Variants in IQANK1 observed in about 807,000 individuals in gnomAD.
The protein encoded by IQANK1 is IQ motif and ankyrin repeat domain-containing protein 1.
A neutral mutation model predicts 22.6 loss-of-function variants in IQANK1; 30 were observed. The observed-to-expected ratio is 1.33, with a 90% CI of 0.99 to 1.80. The LOEUF is 1.80. IQANK1 is among the 40% of genes most tolerant of loss of function. The pLI is 0.00. For missense variants in IQANK1, 275 were observed against 235.2 expected (o/e 1.17, Z -1.11); for synonymous variants, 122 against 99.6 (o/e 1.23, Z -1.34).
Position 143,784,237 on chromosome 8 carries a change from G to C in IQANK1, c.790-4678G>C, listed in dbSNP as rs538619369. Among the ~76,000 whole-genome samples, 91 of 152,164 alleles carry C rather than the reference G, an allele frequency of 6.0e-4. 1 individual carries two copies. Among genetic ancestry groups the C allele is most frequent in the African/African-American group, 1.8e-3 (74 of 41,518 alleles). ...CCTCAGTGTTGCAGGAGGGGCCTGG[G>C]GGGAGGTGATTGGATCACGGGGGCT... On this transcript the variant is annotated intron_variant, in intron 7 of 13. Coordinates refer to ENST00000527139, the MANE Select transcript of IQANK1 (RefSeq NM_001381874.1).
rs1820017289 is a variant in IQANK1 at position 143,790,505 on chromosome 8, A to G, written c.1580A>G (p.Glu527Gly). Residue 527 changes from glutamate to glycine, a missense_variant, in exon 14 of 14, where the codon GAG becomes GGG. Transcript: ENST00000527139. ...SPTQFQEQRL[E>G]HFRLFFVTKV... ...ACGCAGTTCCAGGAGCAGCGGCTGG[A>G]GCACTTCCGCCTCTTTTTCGTCACC... 2 of 406,110 alleles carry G rather than the reference A, an allele frequency of 4.9e-6. No individual in the cohort carries two copies. The highest frequency in any genetic ancestry group is 7.1e-5 in the East Asian group (2 of 28,108). The allele number at this position is 406,110 out of a possible 1,614,324, so 25.2% of individuals were successfully genotyped here. A position where few individuals can be genotyped will look rare whatever the true frequency, so the allele number is the denominator to read the frequency against.
At chr8:143,789,110 G>A (rs1308353573) in intron 8 of IQANK1, 47 bp downstream of exon 8, 13 of 401,668 alleles carry the variant, frequency 3.2e-5, no homozygotes, top group East Asian at 3.2e-4. Flanking sequence ...GGCAAGGGGC[G>A]CTGGCAGGGA....
chr8:143,786,340 G>T (rs1361828577), intron 7 of IQANK1, among the ~76,000 whole-genome samples: 6 of 152,140 alleles, frequency 3.9e-5, no homozygotes, highest in Admixed American at 2.6e-4. Context: ...TCACTCGGAG[G>T]CTACTGTCCT....
At chr8:143,779,549 T>C (rs1294499360) in intron 7 of IQANK1, among the ~76,000 whole-genome samples, 2 of 142,266 alleles carry the variant, frequency 1.4e-5, no homozygotes, top group Non-Finnish European at 3.2e-5. Flanking sequence ...CATTCTCTTA[T>C]AGTTTAATTC....
At chr8:143,755,610 C>T (rs183930139) in intron 3 of IQANK1, among the ~76,000 whole-genome samples, 5 of 152,276 alleles carry the variant, frequency 3.3e-5, no homozygotes, top group East Asian at 1.9e-4. Context: ...GTGATCCTCC[C>T]GCCTTGGCCT....
intron 3 of IQANK1, chr8:143,759,148 C>T: frequency 3.5e-6 from 1 of 288,908 alleles, no homozygotes; most frequent in South Asian, 4.0e-5. Flanking sequence ...CCAGGAGAAG[C>T]TCCTGGCTGG....
At position 143,789,606 on chromosome 8, in the gene IQANK1, C is replaced by T. The variant is rs527634009; in HGVS notation, c.1086+78C>T. ...TGTTCCAAACCAGCCCAGAGCTCCC[C>T]GCTCCCAGGCCTGGGGTTTTTCCCT... On this transcript the variant is annotated intron_variant, in intron 10 of 13. Coordinates refer to ENST00000527139, the MANE Select transcript of IQANK1 (RefSeq NM_001381874.1). 4.6e-5 allele frequency: 56 copies of T among 1,226,106 alleles called. No homozygotes were observed. In the African/African-American group the frequency reaches 7.9e-4, roughly 17 times the overall value. 76.0% of individuals were successfully genotyped at this position (1,226,106 alleles called of 1,614,324 possible). A position where few individuals can be genotyped will look rare whatever the true frequency, so the allele number is the denominator to read the frequency against.
chr8:143,781,582 T>C (rs1381973640), intron 7 of IQANK1, among the ~76,000 whole-genome samples: 2 of 152,182 alleles, frequency 1.3e-5, no homozygotes, highest in Non-Finnish European at 2.9e-5. Context: ...ATATGGAGTC[T>C]TTTCCCCATT....
chr8:143,740,830 G>A (rs7006945), intron 3 of IQANK1, among the ~76,000 whole-genome samples: 4 of 152,074 alleles, frequency 2.6e-5, no homozygotes, highest in East Asian at 1.9e-4. Flanking sequence ...CTGTCCTGAG[G>A]ACGGGAGTAG....
chr8:143,734,260 G>C (rs969521850), intron 1 of IQANK1, 41 bp downstream of exon 1: 2 of 152,082 alleles, frequency 1.3e-5, no homozygotes, highest in Admixed American at 1.3e-4. Flanking sequence ...GGCGGGGCCG[G>C]GTCTGGGAGC....
At position 143,772,164 on chromosome 8, in the gene IQANK1, C is replaced by A; in HGVS notation, c.584C>A (p.Pro195Gln). 2.5e-6 allele frequency: 1 copy of A among 394,314 alleles called. No homozygotes were observed. Among genetic ancestry groups the A allele is most frequent in the Non-Finnish European group, 4.5e-6 (1 of 223,286 alleles). 24.4% of individuals were successfully genotyped at this position (394,314 alleles called of 1,614,324 possible). A position where few individuals can be genotyped will look rare whatever the true frequency, so the allele number is the denominator to read the frequency against. Residue 195 changes from proline to glutamine, a missense_variant, in exon 6 of 14, where the codon CCG becomes CAG. Transcript: ENST00000527139. ...TGCGAGGACAGCTACGGGAACACGC[C>A]GCTGTCGGAGGCGGCCGCAGGCGGG... is the stretch of plus-strand genomic sequence containing the variant. ...AECEDSYGNT[P>Q]LSEAAAGGQP... is the part of the protein sequence containing the mutation.
At chr8:143,740,942 C>A (rs1396512464) in intron 3 of IQANK1, among the ~76,000 whole-genome samples, 1 of 152,222 alleles carries the variant, frequency 6.6e-6, no homozygotes, top group Admixed American at 6.5e-5. Flanking sequence ...GGGATTTGGC[C>A]TTGGCAAGAG....
intron 3 of IQANK1, among the ~76,000 whole-genome samples, chr8:143,769,988 A>G (rs1554629574): frequency 2.0e-5 from 3 of 152,172 alleles, no homozygotes; most frequent in Non-Finnish European, 2.9e-5. Flanking sequence ...CTGTGGTCCC[A>G]GCTACTCGGA....
At chr8:143,751,660 GTGTGTATATA>G (rs1819193775) in intron 3 of IQANK1, among the ~76,000 whole-genome samples, 1 of 44,026 alleles carries the variant, frequency 2.3e-5, no homozygotes. Context: ...GTGTGTGTGT[GTGTGTATATA>G]TATATATAAA....
intron 7 of IQANK1, among the ~76,000 whole-genome samples, chr8:143,781,563 G>A (rs1400390850): frequency 6.6e-6 from 1 of 152,102 alleles, no homozygotes; most frequent in South Asian, 2.1e-4. Flanking sequence ...TTCCAGCACG[G>A]TTTATTGAAT....
At chr8:143,778,803 GT>G (rs1819738984) in intron 7 of IQANK1, among the ~76,000 whole-genome samples, 1 of 152,204 alleles carries the variant, frequency 6.6e-6, no homozygotes, top group African/African-American at 2.4e-5. Context: ...GTCTTGCTCT[GT>G]CACCCAGGCT....
intron 3 of IQANK1, among the ~76,000 whole-genome samples, chr8:143,746,756 C>T (rs970335062): frequency 1.3e-5 from 2 of 152,146 alleles, no homozygotes; most frequent in Non-Finnish European, 2.9e-5. Flanking sequence ...CCTATTTCTT[C>T]ATGATTTAGT....
At chr8:143,767,029 G>A (rs553785806) in intron 3 of IQANK1, among the ~76,000 whole-genome samples, 2 of 152,376 alleles carry the variant, frequency 1.3e-5, no homozygotes, top group East Asian at 3.9e-4. Flanking sequence ...ACTGGTCTCC[G>A]TGTGAGAACA....
At chr8:143,741,025 G>A (rs1219936893) in intron 3 of IQANK1, among the ~76,000 whole-genome samples, 1 of 152,224 alleles carries the variant, frequency 6.6e-6, no homozygotes, top group Non-Finnish European at 1.5e-5. Flanking sequence ...TGTCCCTTCT[G>A]TCACTGAAGG....
Sources: gnomAD v4.1 joint callset for allele counts (sites outside exome capture counted in the v4.1 genomes callset) on GRCh38, gnomAD v4.1.1 for gene constraint, MANE v1.5 for transcripts, NCBI Gene and HGNC (gene_info 2026-07-23, HGNC 2026-07-21) for gene names.